The following AFF2 variants were observed in gnomAD, a reference collection of about 807,000 sequenced individuals.
AFF2 encodes the protein ALF transcription elongation factor 2.
AFF2 carries 14 observed loss-of-function variants against 76.9 expected under a neutral mutation model. That is an observed-to-expected ratio of 0.18 (90% CI 0.12 to 0.28). The LOEUF (loss-of-function observed/expected upper bound fraction) is 0.28. Among genes scored for constraint, AFF2 ranks in the 10% least tolerant of loss-of-function variants. AFF2 has a pLI of 1.00. For missense variants in AFF2, 868 were observed against 1,001.1 expected, an observed-to-expected ratio of 0.87 and a Z score of 1.79; for synonymous variants, 398 against 366.7, an observed-to-expected ratio of 1.09 and a Z score of -0.98.
At chrX:148,575,252 T>C (rs2053275058) in intron 1 of AFF2, among the ~76,000 whole-genome samples, 1 of 111,261 alleles carries the variant, frequency 9.0e-6, no homozygotes, top group Non-Finnish European at 1.9e-5. Context: ...ATTTGTGGGG[T>C]GAGCATTTAT....
At chrX:148,759,742 G>A (rs2069418131) in intron 3 of AFF2, among the ~76,000 whole-genome samples, 2 of 111,995 alleles carry the variant, frequency 1.8e-5, no homozygotes, top group South Asian at 7.4e-4. Flanking sequence ...TAATGGAAAT[G>A]CCTCTGATTC....
In AFF2 at chrX:148,745,989, C is replaced by T. The variant is rs782175838; in HGVS notation, c.1042-63887C>T. On this transcript the variant is annotated intron_variant, in intron 3 of 20. Coordinates refer to ENST00000370460, the MANE Select transcript of AFF2 (RefSeq NM_002025.4). ...AACTCCTGACCTCAAGTGATCCACC[C>T]GCCTCAGCCTTCCTAAGTGCTGGGA... 1.3e-4 allele frequency among the ~76,000 whole-genome samples: 14 copies of T among 111,306 alleles called. No individual in the cohort carries two copies. The East Asian group carries it at 3.4e-3, about 27-fold the overall frequency.
chrX:148,729,440 A>C (rs1470791941), intron 3 of AFF2, among the ~76,000 whole-genome samples: 1 of 112,192 alleles, frequency 8.9e-6, no homozygotes, highest in Non-Finnish European at 1.9e-5. Context: ...ATGAGGCTGG[A>C]TGGAGCAGAT....
At chrX:148,891,793 G>A (rs1437778771) in intron 8 of AFF2, among the ~76,000 whole-genome samples, 1 of 111,711 alleles carries the variant, frequency 9.0e-6, no homozygotes, top group Non-Finnish European at 1.9e-5. Flanking sequence ...GGCATTAGAA[G>A]CAGCAGACTT....
chrX:148,846,807 A>G (rs1198112705), intron 7 of AFF2, among the ~76,000 whole-genome samples: 1 of 112,003 alleles, frequency 8.9e-6, no homozygotes, highest in African/African-American at 3.2e-5. Flanking sequence ...ATGGCTGTCT[A>G]TTCTGTCTCA....
Position 148,666,308 on chromosome X carries a change from C to T in AFF2, c.1041+3540C>T, listed in dbSNP as rs142417783. The stretch of plus-strand genomic sequence containing the variant: ...ATTTGTTTAAAAACTTTCTGTTGGC[C>T]GGGTGCAGTGGCTCACGCCTGTAAT... On this transcript the variant is annotated intron_variant, in intron 3 of 20. Coordinates refer to ENST00000370460, the MANE Select transcript of AFF2 (RefSeq NM_002025.4). Among the ~76,000 whole-genome samples the T allele has an allele frequency of 2.5e-3, 282 of 111,602 alleles. 2 individuals carry two copies. The highest frequency in any genetic ancestry group is 7.7e-3 in the African/African-American group (236 of 30,750).
At chrX:148,889,238 G>A (rs908126223) in intron 8 of AFF2, among the ~76,000 whole-genome samples, 19 of 111,426 alleles carry the variant, frequency 1.7e-4, no homozygotes, top group Non-Finnish European at 2.6e-4. Context: ...TTTGGGTACC[G>A]AGTATCTTAC....
chrX:148,684,440 T>G (rs1375474184), intron 3 of AFF2, among the ~76,000 whole-genome samples: 2 of 112,142 alleles, frequency 1.8e-5, no homozygotes, highest in Admixed American at 1.9e-4. Flanking sequence ...GGAGCCTCGG[T>G]AGATTTTACT....
At chrX:148,818,711 A>G (rs1451549174) in intron 4 of AFF2, among the ~76,000 whole-genome samples, 6 of 111,240 alleles carry the variant, frequency 5.4e-5, no homozygotes, top group Non-Finnish European at 1.1e-4. Context: ...AGAGTAATTG[A>G]AAGAGAGAGA....
intron 7 of AFF2, among the ~76,000 whole-genome samples, chrX:148,852,571 T>G (rs1479160651): frequency 9.0e-6 from 1 of 111,286 alleles, no homozygotes; most frequent in Non-Finnish European, 1.9e-5. Flanking sequence ...AAAATAATTT[T>G]TGTATATCAC....
At chrX:148,556,371 T>C (rs1557239696) in intron 1 of AFF2, among the ~76,000 whole-genome samples, 3 of 111,973 alleles carry the variant, frequency 2.7e-5, no homozygotes, top group Non-Finnish European at 5.6e-5. Context: ...TAGCCGTGGT[T>C]CCGGGCGCCA....
rs1021598853 is a variant in AFF2 at position 148,574,060 on chromosome X, A to G, written c.47+72916A>G. Among the ~76,000 whole-genome samples, 26 of 111,262 alleles carry G rather than the reference A, an allele frequency of 2.3e-4. 1 individual carries two copies. The Admixed American group carries it at 2.4e-3, about 10-fold the overall frequency. ...AGAGAGATAGTTGAGATTTAACCCA[A>G]TCTATATGTCTCACAGCAACATCAG... On this transcript the variant is annotated intron_variant, in intron 1 of 20. Coordinates refer to ENST00000370460, the MANE Select transcript of AFF2 (RefSeq NM_002025.4).
intron 3 of AFF2, among the ~76,000 whole-genome samples, chrX:148,763,637 A>G (rs1180179793): frequency 1.8e-5 from 2 of 112,168 alleles, no homozygotes; most frequent in African/African-American, 6.5e-5. Context: ...ATAGAAAGGT[A>G]GGTGGAACAT....
intron 9 of AFF2, 47 bp downstream of exon 9, chrX:148,904,305 C>T (rs782744508): frequency 6.8e-5 from 51 of 755,199 alleles, no homozygotes; most frequent in East Asian, 2.3e-4. Context: ...TTAACGGACT[C>T]GATGCATGTG....
At chrX:148,919,369 A>G (rs1557282957) in intron 9 of AFF2, among the ~76,000 whole-genome samples, 1 of 110,992 alleles carries the variant, frequency 9.0e-6, no homozygotes, top group Non-Finnish European at 1.9e-5. Flanking sequence ...CATTGGTGTT[A>G]GCTTCCTCTC....
intron 1 of AFF2, among the ~76,000 whole-genome samples, chrX:148,597,216 C>T (rs1296627720): frequency 2.7e-5 from 3 of 111,270 alleles, no homozygotes; most frequent in Non-Finnish European, 5.7e-5. Flanking sequence ...AATCTCAAGT[C>T]GGGCTGCTTT....
At chrX:148,568,756 T>G (rs1377481720) in intron 1 of AFF2, among the ~76,000 whole-genome samples, 4 of 112,005 alleles carry the variant, frequency 3.6e-5, no homozygotes, top group South Asian at 3.7e-4. Flanking sequence ...ACACTCTTGA[T>G]CAACAAGAGA....
chrX:148,844,191 G>A (rs1353110093), intron 7 of AFF2, among the ~76,000 whole-genome samples: 4 of 112,019 alleles, frequency 3.6e-5, no homozygotes, highest in Non-Finnish European at 7.5e-5. Context: ...GGATGGACGA[G>A]GGAATCTAAG....
chrX:148,988,859 C>T (rs781965636), intron 20 of AFF2, among the ~76,000 whole-genome samples: 84 of 112,097 alleles, frequency 7.5e-4, no homozygotes, highest in African/African-American at 2.6e-3. Flanking sequence ...GTCTCATTTG[C>T]CCTTATTTCA....
Sources: allele counts gnomAD v4.1 joint callset (sites outside exome capture counted in the v4.1 genomes callset), GRCh38; gene constraint gnomAD v4.1.1; transcripts MANE v1.5; gene names NCBI Gene and HGNC (gene_info 2026-07-23, HGNC 2026-07-21).